Variants in IQCH observed in about 807,000 individuals in gnomAD.
The protein encoded by IQCH is IQ motif containing H, also known as IQ domain-containing protein H.
IQCH carries 98 observed loss-of-function variants against 117.0 expected under a neutral mutation model. The ratio of observed to expected loss-of-function variants is 0.84; its 90% confidence interval spans 0.71 to 0.99. IQCH has a LOEUF of 0.99. Ranked by LOEUF, IQCH falls within the 50% of genes least tolerant of loss-of-function variation. The pLI, the probability that IQCH is intolerant of heterozygous loss-of-function variation, is 0.00. For missense variants in IQCH, 1,102 were observed against 1,243.8 expected, an observed-to-expected ratio of 0.89 and a Z score of 1.72; for synonymous variants, 412 against 448.2, an observed-to-expected ratio of 0.92 and a Z score of 1.02.
chr15:67,419,694 C>T (rs2081675221), intron 15 of IQCH, among the ~76,000 whole-genome samples: 1 of 152,174 alleles, frequency 6.6e-6, no homozygotes, highest in South Asian at 2.1e-4. Context: ...GCTGGTACTA[C>T]AGGCGCACAC....
rs912470450 is a variant in IQCH at position 67,359,760 on chromosome 15, G to T, written c.715-87G>T. ...GGCCCAGCGGGTAAAATGGGGAAGGGGGTGAGGCTCTGAGCCTTCTATTTG... is the reference window on the plus strand; with the variant it reads ...GGCCCAGCGGGTAAAATGGGGAAGGTGGTGAGGCTCTGAGCCTTCTATTTG... On this transcript the variant is annotated intron_variant, in intron 7 of 20. Coordinates refer to ENST00000335894, the MANE Select transcript of IQCH (RefSeq NM_001031715.3). This position sits in a 1 kb window ranked among gnomAD's most constrained non-coding sequence, Gnocchi z 4.5. The T allele has an allele frequency of 3.8e-5, 44 of 1,147,982 alleles. No individual in the cohort carries two copies. Among genetic ancestry groups the T allele is most frequent in the Non-Finnish European group, 4.1e-5 (31 of 755,908 alleles). The allele number at this position is 1,147,982 out of a possible 1,614,324, so 71.1% of individuals were successfully genotyped here. A position where few individuals can be genotyped will look rare whatever the true frequency, so the allele number is the denominator to read the frequency against.
At chr15:67,288,085 T>C (rs1966629568) in intron 4 of IQCH, among the ~76,000 whole-genome samples, 2 of 152,170 alleles carry the variant, frequency 1.3e-5, no homozygotes, top group African/African-American at 4.8e-5. Context: ...TCTAGTTTTA[T>C]TCCATTGTGG....
rs59177913 is a variant in IQCH, at chr15:67,405,390, G to GTCATCATCA, written c.2097+5116_2097+5124dup. Reference sequence around the variant, plus strand: ...TGTTGACATTTCCTTGTATTTCTTTGTCATCATCATCATCATCATCATCAT... The same window carrying GTCATCATCA: ...TGTTGACATTTCCTTGTATTTCTTTGTCATCATCATCATCATCATCATCATCATCATCAT... On this transcript the variant is annotated intron_variant, in intron 14 of 20. Coordinates refer to ENST00000335894, the MANE Select transcript of IQCH (RefSeq NM_001031715.3). The surrounding 1 kb of genome is among the most constrained non-coding windows in gnomAD (Gnocchi z 4.8). The GTCATCATCA allele has an allele frequency of 5.9e-4, 91 of 154,472 alleles. 2 individuals carry two copies. The highest frequency in any genetic ancestry group is 3.2e-3 in the Middle Eastern group (1 of 314). 9.6% of individuals were successfully genotyped at this position (154,472 alleles called of 1,614,324 possible).
chr15:67,344,624 C>T (rs1969308441), intron 6 of IQCH, among the ~76,000 whole-genome samples: 1 of 152,214 alleles, frequency 6.6e-6, no homozygotes, highest in Middle Eastern at 3.2e-3. Flanking sequence ...TGATATGCAT[C>T]TGTCACTTAT....
chr15:67,304,532 T>G (rs1967207445), intron 4 of IQCH: 1 of 659,602 alleles, frequency 1.5e-6, no homozygotes. Flanking sequence ...TAAGATGTAA[T>G]GTAGATGTTA....
chr15:67,270,792 A>G (rs1298399842), intron 3 of IQCH, among the ~76,000 whole-genome samples: 2 of 152,232 alleles, frequency 1.3e-5, no homozygotes, highest in South Asian at 4.1e-4. Flanking sequence ...TGTTTTTAAA[A>G]AAATTACCCA....
rs1486766332 is a variant in IQCH, at chr15:67,473,374, T to C, written c.2677-2322T>C. ...AGAACTTCTCCAAGCCAGTTCTTTT[T>C]ACCCCACCAATTATTCCTGCTTAGT... On this transcript the variant is annotated intron_variant, in intron 17 of 20. Coordinates refer to ENST00000335894, the MANE Select transcript of IQCH (RefSeq NM_001031715.3). The surrounding 1 kb of genome is among the most constrained non-coding windows in gnomAD (Gnocchi z 4.9). 6.6e-6 allele frequency among the ~76,000 whole-genome samples: 1 copy of C among 152,198 alleles called. No individual in the cohort carries two copies. The highest frequency in any genetic ancestry group is 2.4e-5 in the African/African-American group (1 of 41,440).
chr15:67,438,449 T>TA (rs2140959198), intron 16 of IQCH, among the ~76,000 whole-genome samples: 1 of 152,300 alleles, frequency 6.6e-6, no homozygotes, highest in East Asian at 1.9e-4. Context: ...AGAACCTCTT[T>TA]AAAGCATAAA....
rs530553776 is a variant in IQCH, at chr15:67,413,052, T to C, written c.2098-3879T>C. Among the ~76,000 whole-genome samples, 9 of 150,666 alleles carry C rather than the reference T, an allele frequency of 6.0e-5. No homozygotes were observed. The highest frequency in any genetic ancestry group is 3.3e-4 in the Admixed American group (5 of 15,124). ...TTCTAATGATTCACATGAATTGGAG[T>C]GTTTGTCTGTTATGGAAGGTGTGTG... On this transcript the variant is annotated intron_variant, in intron 14 of 20. Coordinates refer to ENST00000335894, the MANE Select transcript of IQCH (RefSeq NM_001031715.3). The surrounding 1 kb of genome is among the most constrained non-coding windows in gnomAD (Gnocchi z 5.0).
At chr15:67,442,474 A>G (rs2082294138) in intron 16 of IQCH, among the ~76,000 whole-genome samples, 1 of 152,112 alleles carries the variant, frequency 6.6e-6, no homozygotes, top group Non-Finnish European at 1.5e-5. Context: ...CAAAACCACA[A>G]TGCAATACCA....
rs1440948600 is a variant in IQCH, at chr15:67,342,068, C to G, written c.509-1995C>G. The stretch of plus-strand genomic sequence containing the variant: ...GGAAGATTGCTTGAAACCGGGAGTT[C>G]AAGACTAGCCTGGACAATATAGCAA... On this transcript the variant is annotated intron_variant, in intron 5 of 20. Coordinates refer to ENST00000335894, the MANE Select transcript of IQCH (RefSeq NM_001031715.3). The surrounding 1 kb of genome is among the most constrained non-coding windows in gnomAD (Gnocchi z 4.7). Among the ~76,000 whole-genome samples, 1 of 151,304 alleles carries G rather than the reference C, an allele frequency of 6.6e-6. No individual in the cohort carries two copies. Among genetic ancestry groups the G allele is most frequent in the African/African-American group, 2.4e-5 (1 of 41,092 alleles).
At chr15:67,298,787 A>G (rs1019807225) in intron 4 of IQCH, among the ~76,000 whole-genome samples, 10 of 152,000 alleles carry the variant, frequency 6.6e-5, no homozygotes, top group African/African-American at 2.4e-4. Flanking sequence ...AATCACATGA[A>G]CCCGGGAGGC....
Position 67,467,258 on chromosome 15 carries a change from T to C in IQCH, c.2676+1961T>C, listed in dbSNP as rs1044674371. 6.6e-6 allele frequency among the ~76,000 whole-genome samples: 1 copy of C among 151,640 alleles called. No individual in the cohort carries two copies. The highest frequency in any genetic ancestry group is 6.6e-5 in the Admixed American group (1 of 15,228). ...AATAAAAATAAAGCTGGAAGCAGAG[T>C]GGTATTCAGCACAAGACTTCCAAAG... On this transcript the variant is annotated intron_variant, in intron 17 of 20. Transcript: ENST00000335894. This position sits in a 1 kb window ranked among gnomAD's most constrained non-coding sequence, Gnocchi z 5.7.
intron 6 of IQCH, among the ~76,000 whole-genome samples, chr15:67,347,991 A>G (rs1389398752): frequency 1.3e-5 from 2 of 151,272 alleles, no homozygotes; most frequent in South Asian, 2.1e-4. Context: ...TTAAATATCA[A>G]TCATTGTAAG....
Position 67,501,071 on chromosome 15 carries a change from G to A in IQCH, c.*325G>A, listed in dbSNP as rs1356552796. The A allele has an allele frequency of 6.0e-6, 1 of 166,194 alleles. No homozygotes were observed. Among genetic ancestry groups the A allele is most frequent in the Non-Finnish European group, 1.3e-5 (1 of 77,582 alleles). The allele number at this position is 166,194 out of a possible 1,614,324, so 10.3% of individuals were successfully genotyped here. A position where few individuals can be genotyped will look rare whatever the true frequency, so the allele number is the denominator to read the frequency against. ...CACCTCCGCATTTACTTCCTCATAG[G>A]CCTCAGGATTATGTAGCTTTTATTT... On this transcript the variant is annotated 3_prime_UTR_variant, in exon 21 of 21. Transcript: ENST00000335894. The surrounding 1 kb of genome is among the most constrained non-coding windows in gnomAD (Gnocchi z 5.2).
In IQCH at chr15:67,386,690, G is replaced by A. The variant is rs1467554710; in HGVS notation, c.1456+1671G>A. ...GGCTGTGAATTCATGGTTCTCAGGT[G>A]CAGACCCCAATGGCTAGTATTTTCA... On this transcript the variant is annotated intron_variant, in intron 11 of 20. Transcript: ENST00000335894. This position sits in a 1 kb window ranked among gnomAD's most constrained non-coding sequence, Gnocchi z 5.0. Among the ~76,000 whole-genome samples the A allele has an allele frequency of 6.6e-6, 1 of 152,126 alleles. No homozygotes were observed. The highest frequency in any genetic ancestry group is 1.5e-5 in the Non-Finnish European group (1 of 68,028).
In IQCH at chr15:67,372,092, T is replaced by C. The variant is rs1820504984; in HGVS notation, c.754-19T>C. ...CATAATATCTTTCACTTCTAAAATA[T>C]ATTTCTTTTTTTCCACAGGCCATGA... is the stretch of plus-strand genomic sequence containing the variant. On this transcript the variant is annotated intron_variant, in intron 8 of 20. Transcript: ENST00000335894. 4.5e-6 allele frequency: 7 copies of C among 1,572,910 alleles called. 1 individual carries two copies. Among genetic ancestry groups the C allele is most frequent in the South Asian group, 2.4e-5 (2 of 84,602 alleles).
At chr15:67,308,085 G>A (rs1417816954) in intron 4 of IQCH, among the ~76,000 whole-genome samples, 1 of 152,114 alleles carries the variant, frequency 6.6e-6, no homozygotes, top group Non-Finnish European at 1.5e-5. Flanking sequence ...CAAGAATGGA[G>A]GCCCACCCTT....
rs1208035990 is a variant in IQCH at position 67,447,339 on chromosome 15, C to T, written c.2506-17788C>T. ...CAAGGCAGCTTTCTAAAGATTGCTGCCATCCAAAAGGATGTCCTATTAGCC... is the reference window on the plus strand; with the variant it reads ...CAAGGCAGCTTTCTAAAGATTGCTGTCATCCAAAAGGATGTCCTATTAGCC... On this transcript the variant is annotated intron_variant, in intron 16 of 20. Transcript: ENST00000335894. The surrounding 1 kb of genome is among the most constrained non-coding windows in gnomAD (Gnocchi z 5.3). 6.6e-6 allele frequency among the ~76,000 whole-genome samples: 1 copy of T among 152,160 alleles called. No homozygotes were observed. The highest frequency in any genetic ancestry group is 1.5e-5 in the Non-Finnish European group (1 of 68,030).
Sources: allele counts gnomAD v4.1 joint callset (sites outside exome capture counted in the v4.1 genomes callset), GRCh38; gene constraint gnomAD v4.1.1; non-coding constraint Gnocchi (gnomAD v3.1); transcripts MANE v1.5; gene names NCBI Gene and HGNC (gene_info 2026-07-23, HGNC 2026-07-21).